The following CFAP61 variants were observed in gnomAD, a reference collection of about 807,000 sequenced individuals.
The protein encoded by CFAP61 is cilia and flagella associated protein 61.
Under a neutral mutation model 135.6 loss-of-function variants are expected in CFAP61, and 107 were observed. That is an observed-to-expected ratio of 0.79 (90% CI 0.67 to 0.93). The LOEUF (loss-of-function observed/expected upper bound fraction) is 0.93, where lower values mean the gene tolerates loss of function less well. Ranked by LOEUF, CFAP61 falls within the 40% of genes least tolerant of loss-of-function variation. CFAP61 has a pLI of 0.00. For missense variants in CFAP61, 1,507 were observed against 1,556.2 expected (o/e 0.97, Z 0.53); for synonymous variants, 575 against 578.5 (o/e 0.99, Z 0.09).
intron 8 of CFAP61, among the ~76,000 whole-genome samples, chr20:20,117,758 AT>A (rs773103571): frequency 1.3e-5 from 2 of 151,826 alleles, no homozygotes; most frequent in Non-Finnish European, 2.9e-5. Context: ...GTCCTCTTCA[AT>A]TTTTTTTATC....
chr20:20,324,631 C>A (rs1010991648), intron 25 of CFAP61, among the ~76,000 whole-genome samples: 1 of 152,208 alleles, frequency 6.6e-6, no homozygotes, highest in Non-Finnish European at 1.5e-5. Flanking sequence ...TATACATTTA[C>A]ATTTTGATCA....
chr20:20,074,288 C>G lies in CFAP61; in HGVS notation c.295-14C>G, dbSNP rs753252048. The G allele has an allele frequency of 9.9e-6, 16 of 1,612,922 alleles. No homozygotes were observed. The Admixed American group carries it at 1.7e-4, about 17-fold the overall frequency. On this transcript the variant is annotated splice_polypyrimidine_tract_variant and intron_variant, in intron 3 of 26. Coordinates refer to ENST00000245957, the MANE Select transcript of CFAP61 (RefSeq NM_015585.4). ...TGACTCAGCCTTTAATCCGTGTTCT[C>G]TCTTCTTCTGCAGCCCCTGAATACG...
At chr20:20,150,416 G>C (rs758331449) in intron 9 of CFAP61, among the ~76,000 whole-genome samples, 1 of 152,116 alleles carries the variant, frequency 6.6e-6, no homozygotes, top group Non-Finnish European at 1.5e-5. Context: ...GTGCTCTCTC[G>C]AAAGTGCCAC....
intron 3 of CFAP61, among the ~76,000 whole-genome samples, chr20:20,072,506 G>A (rs1230658686): frequency 6.6e-6 from 1 of 151,988 alleles, no homozygotes; most frequent in Admixed American, 6.6e-5. Flanking sequence ...TCATCTCACT[G>A]GTTGCCTCAT....
chr20:20,299,160 T>A (rs1411812663), intron 25 of CFAP61, among the ~76,000 whole-genome samples: 3 of 152,204 alleles, frequency 2.0e-5, no homozygotes, highest in Non-Finnish European at 4.4e-5. Context: ...AAAAATTTTT[T>A]AAATTGTAGA....
At chr20:20,082,199 G>A (rs528153051) in intron 6 of CFAP61, among the ~76,000 whole-genome samples, 2 of 152,270 alleles carry the variant, frequency 1.3e-5, no homozygotes, top group African/African-American at 2.4e-5. Flanking sequence ...CCGTTTCAAC[G>A]ATAGTTACTT....
chr20:20,142,906 G>C lies in CFAP61; in HGVS notation c.909G>C (p.Glu303Asp). 6.2e-7 allele frequency: 1 copy of C among 1,603,808 alleles called. No individual in the cohort carries two copies. The highest frequency in any genetic ancestry group is 8.5e-7 in the Non-Finnish European group (1 of 1,174,510). The change falls in exon 9 of 27, where the codon GAG (glutamate) becomes GAC (aspartate). Residue 303 changes from glutamate (E) to aspartate (D), a missense_variant. Transcript: ENST00000245957. The stretch of plus-strand genomic sequence containing the variant: ...AAGGTTCCCAAAAAATAGTCGAGGA[G>C]TTGCAGGAACCTGTCTCTCCAGATA... ...SSQGSQKIVE[E>D]LQEPVSPDTM...
intron 8 of CFAP61, among the ~76,000 whole-genome samples, chr20:20,132,082 C>T (rs537019871): frequency 1.3e-5 from 2 of 152,130 alleles, no homozygotes; most frequent in South Asian, 2.1e-4. Context: ...TCCCCATTTT[C>T]CCCTCTTCTC....
chr20:20,259,422 A>ATTTTTTT (rs11480895), intron 20 of CFAP61, among the ~76,000 whole-genome samples: 2 of 135,622 alleles, frequency 1.5e-5, no homozygotes, highest in South Asian at 2.4e-4. Context: ...AACCCAGCTA[A>ATTTTTTT]TTTTTTTTTT....
intron 11 of CFAP61, among the ~76,000 whole-genome samples, 157 bp from the exon 12 acceptor site, chr20:20,166,240 C>T (rs763239447): frequency 1.3e-4 from 20 of 152,174 alleles, no homozygotes; most frequent in African/African-American, 4.3e-4. Context: ...ACGAAGCTTG[C>T]GACTTATGCA....
rs1462074983 is a variant in CFAP61, at chr20:20,314,682, C to T, written c.3422+16296C>T. On this transcript the variant is annotated intron_variant, in intron 25 of 26. Coordinates refer to ENST00000245957, the MANE Select transcript of CFAP61 (RefSeq NM_015585.4). ...GGTATATCTCCCAATGCTATCCCTC[C>T]CCCACCCCCCCACCCCACAACAGTC... Among the ~76,000 whole-genome samples the T allele has an allele frequency of 1.6e-3, 188 of 117,234 alleles. 2 individuals carry two copies. Among genetic ancestry groups the T allele is most frequent in the Middle Eastern group, 0.013 (3 of 240 alleles). 76.9% of individuals were successfully genotyped at this position (117,234 alleles called of 152,430 possible).
chr20:20,211,164 G>T (rs1239252554), intron 17 of CFAP61, among the ~76,000 whole-genome samples: 1 of 152,162 alleles, frequency 6.6e-6, no homozygotes, highest in African/African-American at 2.4e-5. Context: ...AGGGAAAATG[G>T]CATTTGAGTT....
chr20:20,158,184 A>G (rs949840046), intron 9 of CFAP61, among the ~76,000 whole-genome samples: 1 of 151,980 alleles, frequency 6.6e-6, no homozygotes, highest in African/African-American at 2.4e-5. Context: ...TGGCACATGT[A>G]TACATATGTA....
At chr20:20,204,846 C>A (rs1460478581) in intron 17 of CFAP61, among the ~76,000 whole-genome samples, 1 of 152,178 alleles carries the variant, frequency 6.6e-6, no homozygotes, top group Non-Finnish European at 1.5e-5. Context: ...CACTTTAAAT[C>A]ATCGCCATGA....
intron 6 of CFAP61, among the ~76,000 whole-genome samples, chr20:20,088,766 T>C (rs1459452462): frequency 6.6e-6 from 1 of 152,124 alleles, no homozygotes; most frequent in Non-Finnish European, 1.5e-5. Flanking sequence ...CGTGGTCTTG[T>C]TGGCTGGCTC....
At chr20:20,067,663 A>ATAAT (rs374637754) in intron 2 of CFAP61, among the ~76,000 whole-genome samples, 4,205 of 138,468 alleles carry the variant, frequency 0.03, 103 homozygotes, top group South Asian at 0.075. Context: ...ATATATATAT[A>ATAAT]ATATATATAT....
rs149746825 is a variant in CFAP61 at position 20,360,211 on chromosome 20, A to G, written c.3515A>G (p.Glu1172Gly). ...CTGGCCTCTTACTGTGTTTTACAGG[A>G]GGAAGATCTTCCTTCCATAGAGCAG... Reference protein sequence around the residue: ...ELRQILASKEEEDLPSIEQLA... With the variant: ...ELRQILASKEGEDLPSIEQLA... Residue 1172 changes from glutamate (E) to glycine (G), a missense_variant and splice_region_variant, in exon 27 of 27, where the codon GAG becomes GGG. Physicochemically the swap from Glu to Gly is moderately conservative, Grantham distance 98 (BLOSUM62 -2). Transcript: ENST00000245957. 3.0e-4 allele frequency: 489 copies of G among 1,611,242 alleles called. No homozygotes were observed. Among genetic ancestry groups the G allele is most frequent in the Non-Finnish European group, 4.0e-4 (471 of 1,177,606 alleles).
chr20:20,152,586 G>GA (rs1569014774), intron 9 of CFAP61, among the ~76,000 whole-genome samples: 1 of 152,050 alleles, frequency 6.6e-6, no homozygotes, highest in African/African-American at 2.4e-5. Flanking sequence ...TTATGTCAGA[G>GA]AAAACATACT....
intron 24 of CFAP61, among the ~76,000 whole-genome samples, chr20:20,293,542 CA>C (rs1465443934): frequency 6.6e-6 from 1 of 152,082 alleles, no homozygotes; most frequent in Non-Finnish European, 1.5e-5. Context: ...TAAATATAGC[CA>C]ATTGATCAAG....
Sources: gnomAD v4.1 joint callset for allele counts (sites outside exome capture counted in the v4.1 genomes callset) on GRCh38, gnomAD v4.1.1 for gene constraint, MANE v1.5 for transcripts, NCBI Gene and HGNC (gene_info 2026-07-23, HGNC 2026-07-21) for gene names.